The following EIF4G3 variants were observed in gnomAD, a reference collection of about 807,000 sequenced individuals.
EIF4G3 encodes the protein eIF-4-gamma 3.
Under a neutral mutation model 186.4 loss-of-function variants are expected in EIF4G3, and 34 were observed. The ratio of observed to expected loss-of-function variants is 0.18; its 90% CI spans 0.14 to 0.24. The LOEUF is 0.24. Among genes scored for constraint, EIF4G3 ranks in the 10% least tolerant of loss-of-function variants. The pLI, the probability that EIF4G3 is intolerant of heterozygous loss-of-function variation, is 1.00. For missense variants in EIF4G3, 1,536 were observed against 1,948.5 expected, an observed-to-expected ratio of 0.79 and a Z score of 3.99; for synonymous variants, 673 against 679.5, an observed-to-expected ratio of 0.99 and a Z score of 0.15.
intron 3 of EIF4G3, among the ~76,000 whole-genome samples, chr1:21,071,518 T>A (rs1223619003): frequency 2.0e-5 from 3 of 152,258 alleles, no homozygotes; most frequent in Admixed American, 2.0e-4. Flanking sequence ...ACTACTACCA[T>A]CTGCAAAAAC....
intron 3 of EIF4G3, among the ~76,000 whole-genome samples, chr1:21,072,004 A>T (rs1403208940): frequency 1.3e-5 from 2 of 152,196 alleles, no homozygotes; most frequent in African/African-American, 4.8e-5. Context: ...TTCCTATGGG[A>T]TTATTAAAAA....
At chr1:20,960,888 C>T (rs2096554792) in intron 12 of EIF4G3, among the ~76,000 whole-genome samples, 1 of 152,108 alleles carries the variant, frequency 6.6e-6, no homozygotes, top group Non-Finnish European at 1.5e-5. Context: ...ACATGTAAAG[C>T]CCTCTTATAA....
chr1:20,870,287 T>C (rs1411094836), intron 20 of EIF4G3, among the ~76,000 whole-genome samples: 3 of 152,146 alleles, frequency 2.0e-5, no homozygotes, highest in Non-Finnish European at 2.9e-5. Context: ...TTTTAAACAC[T>C]TAAAGTGGCA....
chr1:21,068,375 TAAAAA>T lies in EIF4G3; in HGVS notation c.-195-17386_-195-17382del, dbSNP rs869306512. Among the ~76,000 whole-genome samples the T allele has an allele frequency of 1.1e-3, 75 of 67,836 alleles. 1 individual carries two copies. Among genetic ancestry groups the T allele is most frequent in the East Asian group, 2.0e-3 (5 of 2,450 alleles). The allele number at this position is 67,836 out of a possible 152,430, so 44.5% of individuals were successfully genotyped here. ...GGGCGACAGAGTGAAACTCTGTCTT[TAAAAA>T]AAAAAAAAAAAAAAAAAAAACAGAA... On this transcript the variant is annotated intron_variant, in intron 3 of 36. Coordinates refer to ENST00000602326, the MANE Select transcript of EIF4G3 (RefSeq NM_001391906.1).
intron 29 of EIF4G3, among the ~76,000 whole-genome samples, chr1:20,844,605 C>T (rs368536808): frequency 4.5e-4 from 69 of 151,868 alleles, no homozygotes; most frequent in African/African-American, 1.5e-3. Context: ...ATTTGGGATG[C>T]GGATCACCTG....
At chr1:20,902,787 C>T (rs954150764) in intron 15 of EIF4G3, among the ~76,000 whole-genome samples, 2 of 152,052 alleles carry the variant, frequency 1.3e-5, no homozygotes, top group Admixed American at 6.6e-5. Flanking sequence ...ATTATAGGCG[C>T]GCGCCACCAC....
chr1:21,002,582 G>A, intron 5 of EIF4G3, 131 bp downstream of exon 5: 1 of 876,450 alleles, frequency 1.1e-6, no homozygotes, highest in South Asian at 2.0e-5. Context: ...AATAGTAGGA[G>A]TCATAATAAT....
chr1:21,060,736 C>T (rs2094851153), intron 3 of EIF4G3, among the ~76,000 whole-genome samples: 1 of 147,914 alleles, frequency 6.8e-6, no homozygotes, highest in African/African-American at 2.5e-5. Flanking sequence ...CTGTGAAAAG[C>T]CACTGCATCA....
At chr1:21,123,729 T>TATCTGC (rs1207108333) in intron 2 of EIF4G3, among the ~76,000 whole-genome samples, 4 of 152,118 alleles carry the variant, frequency 2.6e-5, no homozygotes, top group Non-Finnish European at 5.9e-5. Flanking sequence ...AAAACAAACT[T>TATCTGC]ATCTGCAGAG....
At chr1:21,118,654 C>T (rs902199370) in intron 2 of EIF4G3, among the ~76,000 whole-genome samples, 5 of 151,780 alleles carry the variant, frequency 3.3e-5, no homozygotes, top group Non-Finnish European at 5.9e-5. Flanking sequence ...GGTATGGTGG[C>T]GGGTGCCTGT....
intron 3 of EIF4G3, among the ~76,000 whole-genome samples, chr1:21,085,670 T>A (rs2095943712): frequency 6.6e-6 from 1 of 152,136 alleles, no homozygotes; most frequent in African/African-American, 2.4e-5. Context: ...GTGCTGAGAT[T>A]ACAGGTAGGA....
chr1:21,095,884 T>C (rs1429898376), intron 2 of EIF4G3, among the ~76,000 whole-genome samples: 3 of 151,940 alleles, frequency 2.0e-5, no homozygotes, highest in East Asian at 1.9e-4. Context: ...AAAATACACA[T>C]ACACATTTTC....
intron 14 of EIF4G3, among the ~76,000 whole-genome samples, chr1:20,923,761 C>CT (rs2094656138): frequency 6.6e-6 from 1 of 151,582 alleles, no homozygotes; most frequent in Admixed American, 6.6e-5. Flanking sequence ...AAAATACACT[C>CT]TAACAGGGAC....
At position 20,954,680 on chromosome 1, in the gene EIF4G3, C is replaced by T. The variant is rs895724172; in HGVS notation, c.715-4569G>A. On this transcript the variant is annotated intron_variant, in intron 12 of 36. Coordinates refer to ENST00000602326, the MANE Select transcript of EIF4G3 (RefSeq NM_001391906.1). ...GGTGTGTGTCAATATGTGTGTATTT[C>T]CTCCTGATGTTTAACTTGTACAAAA... Among the ~76,000 whole-genome samples the T allele has an allele frequency of 2.0e-5, 3 of 152,076 alleles. No individual in the cohort carries two copies. The East Asian group carries it at 5.8e-4, about 29-fold the overall frequency.
intron 2 of EIF4G3, among the ~76,000 whole-genome samples, chr1:21,126,599 T>C (rs2097050493): frequency 1.3e-5 from 2 of 151,786 alleles, no homozygotes; most frequent in African/African-American, 4.8e-5. Flanking sequence ...CAGGTTACAG[T>C]GATCTATGAC....
intron 4 of EIF4G3, among the ~76,000 whole-genome samples, chr1:21,030,227 G>A (rs562854701): frequency 6.6e-6 from 1 of 152,194 alleles, no homozygotes; most frequent in African/African-American, 2.4e-5. Context: ...AGCTGATATG[G>A]TTTGGCTCTG....
At chr1:20,971,279 G>C (rs1458034120) in intron 11 of EIF4G3, among the ~76,000 whole-genome samples, 1 of 152,148 alleles carries the variant, frequency 6.6e-6, no homozygotes, top group Non-Finnish European at 1.5e-5. Flanking sequence ...ACCTGGATCT[G>C]GACGCTTTTA....
At chr1:20,862,189 T>G (rs1418046110) in intron 23 of EIF4G3, 39 bp downstream of exon 23, 3 of 1,256,058 alleles carry the variant, frequency 2.4e-6, no homozygotes, top group Non-Finnish European at 3.4e-6. Context: ...TTAAAGAGAC[T>G]GGACCAGCAG....
intron 2 of EIF4G3, among the ~76,000 whole-genome samples, chr1:21,157,583 T>C (rs1023915461): frequency 6.6e-6 from 1 of 152,050 alleles, no homozygotes; most frequent in Non-Finnish European, 1.5e-5. Flanking sequence ...GTGCTCCTTC[T>C]GTCTAGCCTC....
Sources: gnomAD v4.1 joint callset for allele counts (sites outside exome capture counted in the v4.1 genomes callset) on GRCh38, gnomAD v4.1.1 for gene constraint, MANE v1.5 for transcripts, NCBI Gene and HGNC (gene_info 2026-07-23, HGNC 2026-07-21) for gene names.